ADAM18: variants seen among roughly 807,000 people sequenced by gnomAD.
The protein encoded by ADAM18 is disintegrin and metalloproteinase domain-containing protein 18.
A neutral mutation model predicts 94.4 loss-of-function variants in ADAM18; 117 were observed. That is an observed-to-expected ratio of 1.24 (90% CI 1.07 to 1.45). The LOEUF (loss-of-function observed/expected upper bound fraction) is 1.45. ADAM18 is among the 40% of genes most tolerant of loss of function. The pLI is 0.00. For synonymous variants in ADAM18, 327 were observed against 291.6 expected (o/e 1.12, Z -1.24); for missense variants, 936 against 880.0 (o/e 1.06, Z -0.81).
intron 6 of ADAM18, among the ~76,000 whole-genome samples, chr8:39,621,004 G>T (rs1409467606): frequency 1.3e-5 from 2 of 151,930 alleles, no homozygotes; most frequent in African/African-American, 4.8e-5. Context: ...ACATTTATAT[G>T]CCAAAAAGAC....
chr8:39,699,031 C>T (rs768747061), intron 17 of ADAM18, among the ~76,000 whole-genome samples: 1 of 152,010 alleles, frequency 6.6e-6, no homozygotes, highest in East Asian at 1.9e-4. Flanking sequence ...CACTTTCCAA[C>T]CCCTGCATTT....
intron 19 of ADAM18, among the ~76,000 whole-genome samples, chr8:39,728,581 T>A (rs1024349656): frequency 3.8e-4 from 58 of 152,260 alleles, no homozygotes; most frequent in African/African-American, 9.6e-4. Context: ...ATAGGACTAT[T>A]TAAATAAATA....
chr8:39,708,254 T>C (rs759691445), intron 18 of ADAM18, among the ~76,000 whole-genome samples: 4 of 152,238 alleles, frequency 2.6e-5, no homozygotes, highest in Non-Finnish European at 4.4e-5. Context: ...TCTTACACAG[T>C]ATTTATAATC....
chr8:39,660,751 T>C (rs1820812356), intron 12 of ADAM18, among the ~76,000 whole-genome samples: 1 of 152,132 alleles, frequency 6.6e-6, no homozygotes, highest in Non-Finnish European at 1.5e-5. Flanking sequence ...AACATTCCAG[T>C]CCTGTAATTA....
intron 2 of ADAM18, among the ~76,000 whole-genome samples, chr8:39,601,004 G>A (rs10095075): frequency 0.032 from 4,840 of 152,246 alleles, 286 homozygotes; most frequent in African/African-American, 0.11. Context: ...GGCTGGGGAG[G>A]CCTCAGGAAA....
intron 18 of ADAM18, among the ~76,000 whole-genome samples, chr8:39,713,563 G>A (rs1157579033): frequency 6.6e-6 from 1 of 152,008 alleles, no homozygotes; most frequent in Non-Finnish European, 1.5e-5. Flanking sequence ...CTAATATCCA[G>A]AATCTACAAA....
Position 39,648,273 on chromosome 8 carries a change from G to T in ADAM18, c.1047-71G>T, listed in dbSNP as rs1820438561. 3 of 1,252,834 alleles carry T rather than the reference G, an allele frequency of 2.4e-6. No homozygotes were observed. The Admixed American group carries it at 7.8e-5, about 33-fold the overall frequency. 77.6% of individuals were successfully genotyped at this position (1,252,834 alleles called of 1,614,324 possible). On this transcript the variant is annotated intron_variant, in intron 11 of 19. Coordinates refer to ENST00000265707, the MANE Select transcript of ADAM18 (RefSeq NM_014237.3). ...GCCATCTTGTGATTTACATGATTATGTATGGAGTGTTGTTTAGATGTGGTT... is the reference window on the plus strand; with the variant it reads ...GCCATCTTGTGATTTACATGATTATTTATGGAGTGTTGTTTAGATGTGGTT...
intron 14 of ADAM18, among the ~76,000 whole-genome samples, chr8:39,671,677 T>C (rs997789209): frequency 1.3e-5 from 2 of 152,190 alleles, no homozygotes; most frequent in Non-Finnish European, 2.9e-5. Flanking sequence ...ACCTATAGAA[T>C]GGCTTAGATC....
chr8:39,610,422 T>C, intron 5 of ADAM18, 107 bp from the exon 6 acceptor site: 1 of 1,286,326 alleles, frequency 7.8e-7, no homozygotes, highest in Non-Finnish European at 1.0e-6. Flanking sequence ...TTAAAATGTG[T>C]TCTTTAGTAT....
intron 14 of ADAM18, among the ~76,000 whole-genome samples, chr8:39,669,306 T>C (rs1478950041): frequency 6.7e-6 from 1 of 150,280 alleles, no homozygotes; most frequent in Non-Finnish European, 1.5e-5. Flanking sequence ...TATTATACTC[T>C]TTTTTTTAAA....
At chr8:39,709,184 G>C (rs998657821) in intron 18 of ADAM18, among the ~76,000 whole-genome samples, 2 of 152,174 alleles carry the variant, frequency 1.3e-5, no homozygotes, top group Non-Finnish European at 2.9e-5. Flanking sequence ...GATGAAAGTG[G>C]CTCTCAGTGG....
chr8:39,600,945 GA>G (rs1818884433), intron 2 of ADAM18, among the ~76,000 whole-genome samples: 1 of 152,184 alleles, frequency 6.6e-6, no homozygotes, highest in South Asian at 2.1e-4. Context: ...AATTTTTAAA[GA>G]AAAGAGGTTT....
chr8:39,717,994 C>G (rs1822626619), intron 18 of ADAM18, among the ~76,000 whole-genome samples: 1 of 151,456 alleles, frequency 6.6e-6, no homozygotes, highest in South Asian at 2.1e-4. Context: ...GCAAATAACA[C>G]TAATCATCAA....
At chr8:39,601,641 C>T (rs1214092062) in intron 2 of ADAM18, among the ~76,000 whole-genome samples, 1 of 152,130 alleles carries the variant, frequency 6.6e-6, no homozygotes, top group African/African-American at 2.4e-5. Flanking sequence ...TATCCAATCT[C>T]ACATTACCTG....
At chr8:39,717,209 T>TA (rs1236332015) in intron 18 of ADAM18, among the ~76,000 whole-genome samples, 1 of 151,788 alleles carries the variant, frequency 6.6e-6, no homozygotes, top group African/African-American at 2.4e-5. Flanking sequence ...CTCAATCACA[T>TA]AAAAAAACTA....
chr8:39,676,130 C>G (rs1821294752), intron 14 of ADAM18, among the ~76,000 whole-genome samples: 1 of 152,220 alleles, frequency 6.6e-6, no homozygotes, highest in Non-Finnish European at 1.5e-5. Flanking sequence ...GGCAGTCTGT[C>G]CCTTCTCAGA....
chr8:39,658,985 T>C (rs1223827395), intron 12 of ADAM18, among the ~76,000 whole-genome samples: 1 of 152,142 alleles, frequency 6.6e-6, no homozygotes, highest in African/African-American at 2.4e-5. Context: ...GAGAACAAGA[T>C]GAATAATAAA....
intron 2 of ADAM18, chr8:39,605,698 A>G (rs2129578319): frequency 8.7e-6 from 2 of 229,902 alleles, no homozygotes; most frequent in South Asian, 1.1e-4. Context: ...TGTACTTTTC[A>G]TTTTTATTTT....
chr8:39,612,702 G>A (rs1819314194), intron 6 of ADAM18, among the ~76,000 whole-genome samples: 1 of 152,132 alleles, frequency 6.6e-6, no homozygotes, highest in Non-Finnish European at 1.5e-5. Flanking sequence ...GCACCCTACT[G>A]TCTGACATAT....
Sources: allele counts gnomAD v4.1 joint callset (sites outside exome capture counted in the v4.1 genomes callset), GRCh38; gene constraint gnomAD v4.1.1; transcripts MANE v1.5; gene names NCBI Gene and HGNC (gene_info 2026-07-23, HGNC 2026-07-21).